Variants in ESRRG observed in about 807,000 individuals in gnomAD.
ESRRG encodes the protein estrogen-related receptor gamma.
A neutral mutation model predicts 44.0 loss-of-function variants in ESRRG; 13 were observed. That is an observed-to-expected ratio of 0.30 (90% CI 0.19 to 0.47). The LOEUF (loss-of-function observed/expected upper bound fraction) is 0.47, where lower values mean the gene tolerates loss of function less well. ESRRG is among the 20% of genes least tolerant of loss of function. ESRRG has a pLI of 1.00. For synonymous variants in ESRRG, 215 were observed against 214.6 expected, an observed-to-expected ratio of 1.00 and a Z score of -0.02; for missense variants, 395 against 580.6, an observed-to-expected ratio of 0.68 and a Z score of 3.29.
chr1:217,124,503 G>A (rs553646586), intron 1 of ESRRG, among the ~76,000 whole-genome samples: 99 of 152,240 alleles, frequency 6.5e-4, no homozygotes, highest in African/African-American at 2.4e-3. Context: ...TTCTGAAGAG[G>A]CTTCCTTAAG....
intron 2 of ESRRG, among the ~76,000 whole-genome samples, chr1:216,788,563 C>G (rs1031641544): frequency 6.6e-6 from 1 of 152,066 alleles, no homozygotes; most frequent in African/African-American, 2.4e-5. Flanking sequence ...TGGAGATGGA[C>G]AAGGAGATGA....
chr1:216,662,448 G>C (rs2072733030), intron 2 of ESRRG, among the ~76,000 whole-genome samples: 1 of 152,286 alleles, frequency 6.6e-6, no homozygotes. Flanking sequence ...TGGATTGAGA[G>C]AAAGGCGAGG....
chr1:216,900,212 T>C (rs2058906950), intron 2 of ESRRG, among the ~76,000 whole-genome samples: 1 of 152,194 alleles, frequency 6.6e-6, no homozygotes, highest in African/African-American at 2.4e-5. Flanking sequence ...CAGACTTTCA[T>C]GGTCAGGAGC....
chr1:216,505,406 T>C lies in ESRRG; in HGVS notation c.*1533A>G, dbSNP rs1269703866. ...GAACATTCCTAAATGAATAAACTTA[T>C]ATGGATTAGGTTTTAGAATTTGGTC... On this transcript the variant is annotated 3_prime_UTR_variant, in exon 7 of 7. Coordinates refer to ENST00000408911, the MANE Select transcript of ESRRG (RefSeq NM_001438.4). The C allele has an allele frequency of 6.6e-6, 1 of 152,646 alleles. No homozygotes were observed. Among genetic ancestry groups the C allele is most frequent in the Non-Finnish European group, 1.5e-5 (1 of 68,036 alleles). 9.5% of individuals were successfully genotyped at this position (152,646 alleles called of 1,614,324 possible). A position where few individuals can be genotyped will look rare whatever the true frequency, so the allele number is the denominator to read the frequency against.
At chr1:216,835,514 C>T (rs2095550874) in intron 2 of ESRRG, among the ~76,000 whole-genome samples, 1 of 152,172 alleles carries the variant, frequency 6.6e-6, no homozygotes, top group South Asian at 2.1e-4. Context: ...TCAGTCTCAT[C>T]TACTTATAAA....
chr1:216,771,360 T>A (rs192167334), intron 2 of ESRRG, among the ~76,000 whole-genome samples: 115 of 152,290 alleles, frequency 7.6e-4, no homozygotes, highest in African/African-American at 2.6e-3. Context: ...ATTAGGCACA[T>A]TTCTAATTTA....
At chr1:216,985,945 GAC>G (rs1428388519) in intron 1 of ESRRG, 1 of 152,190 alleles carries the variant, frequency 6.6e-6, no homozygotes, top group East Asian at 1.9e-4. Flanking sequence ...TAAAGACCAT[GAC>G]AACTTCTAAA....
intron 1 of ESRRG, among the ~76,000 whole-genome samples, chr1:217,058,101 C>A (rs2087531828): frequency 6.6e-6 from 1 of 152,068 alleles, no homozygotes; most frequent in African/African-American, 2.4e-5. Flanking sequence ...AAAGCTGTGC[C>A]ACATATCTGA....
intron 2 of ESRRG, among the ~76,000 whole-genome samples, chr1:216,664,868 G>A (rs952506521): frequency 2.3e-4 from 35 of 152,016 alleles, no homozygotes; most frequent in African/African-American, 8.0e-4. Flanking sequence ...TCACTTCTTG[G>A]TGTATGCATA....
intron 1 of ESRRG, among the ~76,000 whole-genome samples, chr1:216,953,433 T>A (rs11117738): frequency 6.6e-6 from 1 of 151,952 alleles, no homozygotes; most frequent in Non-Finnish European, 1.5e-5. Context: ...GCTCACAGGC[T>A]TTTTTTCCCA....
At chr1:216,609,969 A>T (rs1054410578) in intron 3 of ESRRG, among the ~76,000 whole-genome samples, 1 of 152,158 alleles carries the variant, frequency 6.6e-6, no homozygotes, top group Non-Finnish European at 1.5e-5. Context: ...ACTGGCATTT[A>T]TCACCTCTCA....
intron 2 of ESRRG, among the ~76,000 whole-genome samples, chr1:216,867,166 A>G (rs1208206111): frequency 6.6e-6 from 1 of 152,204 alleles, no homozygotes; most frequent in Non-Finnish European, 1.5e-5. Context: ...TGCATTATGC[A>G]TATGGGAAAA....
chr1:216,721,446 C>T (rs1258730622), intron 1 of ESRRG, among the ~76,000 whole-genome samples: 1 of 152,176 alleles, frequency 6.6e-6, no homozygotes, highest in Non-Finnish European at 1.5e-5. Flanking sequence ...AACCACGTAA[C>T]CATCAGAACT....
chr1:216,720,213 G>T (rs12041281), intron 1 of ESRRG, among the ~76,000 whole-genome samples: 1 of 151,868 alleles, frequency 6.6e-6, no homozygotes, highest in Non-Finnish European at 1.5e-5. Flanking sequence ...GAATTAATCC[G>T]CTCACTTTAG....
intron 6 of ESRRG, among the ~76,000 whole-genome samples, chr1:216,514,615 T>C (rs2043651070): frequency 6.6e-6 from 1 of 152,140 alleles, no homozygotes; most frequent in African/African-American, 2.4e-5. Flanking sequence ...GGGTAAAGTC[T>C]TCTGCATTAA....
At chr1:216,790,834 T>G (rs1182028025) in intron 2 of ESRRG, among the ~76,000 whole-genome samples, 1 of 152,120 alleles carries the variant, frequency 6.6e-6, no homozygotes. Context: ...GAGACATTGT[T>G]GTATAGAGGT....
intron 2 of ESRRG, among the ~76,000 whole-genome samples, chr1:216,867,910 A>G (rs1265735321): frequency 6.6e-6 from 1 of 152,024 alleles, no homozygotes; most frequent in Non-Finnish European, 1.5e-5. Context: ...ATCCCTTTAT[A>G]GGCCAATTGC....
chr1:216,540,109 C>T (rs2052254775), intron 5 of ESRRG, among the ~76,000 whole-genome samples: 1 of 151,972 alleles, frequency 6.6e-6, no homozygotes, highest in African/African-American at 2.4e-5. Flanking sequence ...AATATTTCCA[C>T]CTTATTGCAT....
intron 1 of ESRRG, among the ~76,000 whole-genome samples, chr1:217,003,270 G>A (rs2077282142): frequency 1.3e-5 from 2 of 152,076 alleles, no homozygotes; most frequent in East Asian, 1.9e-4. Flanking sequence ...TATGAATAAT[G>A]GCCATACTTA....
Sources: gnomAD v4.1 joint callset for allele counts (sites outside exome capture counted in the v4.1 genomes callset) on GRCh38, gnomAD v4.1.1 for gene constraint, MANE v1.5 for transcripts, NCBI Gene and HGNC (gene_info 2026-07-23, HGNC 2026-07-21) for gene names.